The following VWA3B variants were observed in gnomAD, a reference collection of about 807,000 sequenced individuals.
VWA3B encodes von Willebrand factor A domain-containing protein 3B.
VWA3B carries 138 observed loss-of-function variants against 158.3 expected under a neutral mutation model. The ratio of observed to expected loss-of-function variants is 0.87; its 90% CI spans 0.76 to 1.00. The LOEUF (loss-of-function observed/expected upper bound fraction) is 1.00, where lower values mean the gene tolerates loss of function less well. Among genes scored for constraint, VWA3B ranks in the 50% least tolerant of loss-of-function variants. VWA3B has a pLI of 0.00. For synonymous variants in VWA3B, 596 were observed against 587.3 expected (o/e 1.01, Z -0.21); for missense variants, 1,555 against 1,565.1 (o/e 0.99, Z 0.11).
At chr2:98,122,291 T>C (rs1347912521) in intron 5 of VWA3B, among the ~76,000 whole-genome samples, 2 of 152,164 alleles carry the variant, frequency 1.3e-5, no homozygotes, top group Non-Finnish European at 1.5e-5. Flanking sequence ...AACAATTATG[T>C]GCTTCCTCCA....
chr2:98,131,423 T>C (rs1202190766), intron 6 of VWA3B, among the ~76,000 whole-genome samples: 2 of 152,224 alleles, frequency 1.3e-5, no homozygotes, highest in African/African-American at 4.8e-5. Context: ...GGTGCAGATA[T>C]CCCTTTGATA....
intron 13 of VWA3B, among the ~76,000 whole-genome samples, chr2:98,216,474 G>A (rs1205482350): frequency 6.6e-6 from 1 of 152,276 alleles, no homozygotes; most frequent in Non-Finnish European, 1.5e-5. Flanking sequence ...AGGGCAGGAG[G>A]TTGGGGAAGG....
Position 98,181,217 on chromosome 2 carries a change from G to A in VWA3B, c.1311+5G>A. The A allele has an allele frequency of 6.2e-7, 1 of 1,613,178 alleles. No individual in the cohort carries two copies. Among genetic ancestry groups the A allele is most frequent in the Non-Finnish European group, 8.5e-7 (1 of 1,179,368 alleles). On this transcript the variant is annotated splice_donor_5th_base_variant and intron_variant, in intron 9 of 27. Transcript: ENST00000477737. Reference sequence around the variant, plus strand: ...GAGTCCGTGCAGACCAGTGCGGTAGGTGAAGTGCACTCCTGGGAGGGGCTG... The same window carrying A: ...GAGTCCGTGCAGACCAGTGCGGTAGATGAAGTGCACTCCTGGGAGGGGCTG...
chr2:98,312,164 A>G, intron 27 of VWA3B, 36 bp from the exon 28 acceptor site: 1 of 1,614,098 alleles, frequency 6.2e-7, no homozygotes. Context: ...CAAAGACCCT[A>G]ACATCCTTAA....
chr2:98,266,872 C>G (rs1352429669), intron 21 of VWA3B, among the ~76,000 whole-genome samples: 4 of 148,466 alleles, frequency 2.7e-5, no homozygotes, highest in Admixed American at 6.7e-5. Context: ...TATAAGAATG[C>G]TTGTGGTTTT....
At chr2:98,316,048 A>T (rs1691078764), downstream of VWA3B, among the ~76,000 whole-genome samples, 1 of 152,224 alleles carries the variant, frequency 6.6e-6, no homozygotes, top group Non-Finnish European at 1.5e-5. Flanking sequence ...TAGGAGACAC[A>T]CAAGATTAGG....
chr2:98,183,210 T>TA (rs1303506051), intron 9 of VWA3B, among the ~76,000 whole-genome samples: 7 of 146,324 alleles, frequency 4.8e-5, no homozygotes, highest in Admixed American at 1.4e-4. Context: ...TTTTTTTTTT[T>TA]ACAAATACTG....
At chr2:98,097,842 A>C (rs1459149404) in intron 2 of VWA3B, among the ~76,000 whole-genome samples, 1 of 151,490 alleles carries the variant, frequency 6.6e-6, no homozygotes, top group African/African-American at 2.4e-5. Context: ...TTTAATTTGC[A>C]TTTCTCCAGT....
the VWA3B span, among the ~76,000 whole-genome samples, chr2:98,320,641 T>C: frequency 2.0e-5 from 3 of 152,212 alleles, no homozygotes; most frequent in African/African-American, 7.2e-5. Flanking sequence ...TTGCCTTTGC[T>C]ATGCAAAGAG....
chr2:98,207,373 A>G (rs749136623), intron 12 of VWA3B: 4 of 484,198 alleles, frequency 8.3e-6, no homozygotes, highest in Non-Finnish European at 1.7e-5. Flanking sequence ...GGATCCCAAC[A>G]TTGTTGGCAA....
chr2:98,303,626 G>C, intron 25 of VWA3B, 76 bp from the exon 26 acceptor site: 1 of 1,370,366 alleles, frequency 7.3e-7, no homozygotes, highest in Non-Finnish European at 1.0e-6. Context: ...ATAATGGGTT[G>C]AGCTAGAATA....
rs192651396 is a variant in VWA3B, at chr2:98,158,087, G to A, written c.989-4764G>A. Among the ~76,000 whole-genome samples the A allele has an allele frequency of 4.7e-3, 710 of 152,282 alleles. 5 individuals are homozygous for A. Among genetic ancestry groups the A allele is most frequent in the Non-Finnish European group, 8.4e-3 (570 of 68,028 alleles). Reference sequence around the variant, plus strand: ...ATAGCCATGTGCTCAGATGATCTGAGTCTCTTGCACACCCCTCTGAAGAGT... The same window carrying A: ...ATAGCCATGTGCTCAGATGATCTGAATCTCTTGCACACCCCTCTGAAGAGT... On this transcript the variant is annotated intron_variant, in intron 7 of 27. Coordinates refer to ENST00000477737, the MANE Select transcript of VWA3B (RefSeq NM_144992.5).
intron 22 of VWA3B, among the ~76,000 whole-genome samples, chr2:98,275,990 A>G (rs552186988): frequency 1.3e-5 from 2 of 152,368 alleles, no homozygotes; most frequent in African/African-American, 4.8e-5. Context: ...GTGCAGTGGC[A>G]TCACTGGGTC....
Position 98,119,505 on chromosome 2 carries a change from T to C in VWA3B, c.292-8T>C, listed in dbSNP as rs1173323372. ...GTTTTATTGTTTTTGTCTTTTATTT[T>C]CATTAAGCTGACAGCTAAATCAGAA... On this transcript the variant is annotated splice_polypyrimidine_tract_variant and splice_region_variant and intron_variant, in intron 3 of 27. Coordinates refer to ENST00000477737, the MANE Select transcript of VWA3B (RefSeq NM_144992.5). The C allele has an allele frequency of 6.2e-7, 1 of 1,612,470 alleles. No individual in the cohort carries two copies. Among genetic ancestry groups the C allele is most frequent in the Non-Finnish European group, 8.5e-7 (1 of 1,179,310 alleles).
At chr2:98,193,754 T>A (rs1681795994) in intron 11 of VWA3B, among the ~76,000 whole-genome samples, 1 of 151,868 alleles carries the variant, frequency 6.6e-6, no homozygotes, top group Non-Finnish European at 1.5e-5. Context: ...CACGCCCGGC[T>A]AATTTTTGTA....
intron 24 of VWA3B, among the ~76,000 whole-genome samples, chr2:98,298,825 A>C (rs564073938): frequency 6.6e-6 from 1 of 152,344 alleles, no homozygotes; most frequent in East Asian, 1.9e-4. Flanking sequence ...TCTGGGTTTT[A>C]AGTACCCCTT....
chr2:98,245,512 G>A (rs1686335857), intron 19 of VWA3B: 1 of 456,304 alleles, frequency 2.2e-6, no homozygotes, highest in African/African-American at 2.0e-5. Flanking sequence ...AGGACGGAGA[G>A]TGGGTGCACA....
intron 12 of VWA3B, among the ~76,000 whole-genome samples, chr2:98,201,894 G>T (rs1682574630): frequency 6.6e-6 from 1 of 152,136 alleles, no homozygotes; most frequent in Non-Finnish European, 1.5e-5. Context: ...ATTATAGATT[G>T]AATATATTCT....
At chr2:98,179,324 T>A (rs1680272680) in intron 8 of VWA3B, 1 of 471,062 alleles carries the variant, frequency 2.1e-6, no homozygotes, top group South Asian at 1.5e-5. Flanking sequence ...TCAGGTAACA[T>A]AACACAGTCT....
Sources: allele counts gnomAD v4.1 joint callset (sites outside exome capture counted in the v4.1 genomes callset), GRCh38; gene constraint gnomAD v4.1.1; transcripts MANE v1.5; gene names NCBI Gene and HGNC (gene_info 2026-07-23, HGNC 2026-07-21).